REDIC1: variants seen among roughly 807,000 people sequenced by gnomAD.
REDIC1 encodes the protein regulator of DNA class I crossover intermediates 1, also known as HEI10 Interacting Protein 1.
chr12:39,788,093 T>C, the REDIC1 span, among the ~76,000 whole-genome samples: 1 of 152,148 alleles, frequency 6.6e-6, no homozygotes, highest in Non-Finnish European at 1.5e-5. Context: ...ACAAAAATTA[T>C]TTTACCTCTA....
At chr12:39,797,740 A>ACACACG in the REDIC1 span, among the ~76,000 whole-genome samples, 24 of 131,456 alleles carry the variant, frequency 1.8e-4, no homozygotes, top group Non-Finnish European at 2.4e-4. Context: ...ACACACACAC[A>ACACACG]CACACACACA....
the REDIC1 span, among the ~76,000 whole-genome samples, chr12:39,900,431 A>G: frequency 1.2e-3 from 186 of 152,274 alleles, 2 homozygotes; most frequent in African/African-American, 4.1e-3. Context: ...TCGTATATCT[A>G]GAAAACCCCA....
chr12:39,686,403 G>A, the REDIC1 span, among the ~76,000 whole-genome samples: 1 of 152,276 alleles, frequency 6.6e-6, no homozygotes, highest in African/African-American at 2.4e-5. Context: ...AGCCATCAAG[G>A]CTTACAGTTT....
chr12:39,762,039 A>G, the REDIC1 span, among the ~76,000 whole-genome samples: 1 of 152,076 alleles, frequency 6.6e-6, no homozygotes. Context: ...CCAAAGCTGA[A>G]TAATATCAAG....
At chr12:39,653,542 C>CTTT in the REDIC1 span, among the ~76,000 whole-genome samples, 292 of 37,166 alleles carry the variant, frequency 7.9e-3, 12 homozygotes, top group Middle Eastern at 0.012. Flanking sequence ...TCTTCTTTTT[C>CTTT]TTCTTCTTCT....
the REDIC1 span, among the ~76,000 whole-genome samples, chr12:39,868,456 T>G: frequency 3.3e-5 from 5 of 152,252 alleles, no homozygotes; most frequent in African/African-American, 9.6e-5. Context: ...TCACACTTTG[T>G]GTGCATAAGT....
chr12:39,826,854 A>ATT, the REDIC1 span, among the ~76,000 whole-genome samples: 534 of 67,386 alleles, frequency 7.9e-3, 12 homozygotes, highest in Non-Finnish European at 0.01. Flanking sequence ...GTCTCTTTCA[A>ATT]TTTTTTTTTT....
the REDIC1 span, among the ~76,000 whole-genome samples, chr12:39,884,595 A>G: frequency 6.6e-6 from 1 of 152,214 alleles, no homozygotes; most frequent in Non-Finnish European, 1.5e-5. Flanking sequence ...AGCAGAAGAT[A>G]CAAAGGCAAT....
the REDIC1 span, among the ~76,000 whole-genome samples, chr12:39,685,860 A>T: frequency 1.6e-4 from 25 of 152,244 alleles, no homozygotes; most frequent in Non-Finnish European, 2.9e-4. Context: ...TTACATTCCA[A>T]AAGGGAGAAA....
At chr12:39,720,425 G>A in the REDIC1 span, among the ~76,000 whole-genome samples, 2 of 152,076 alleles carry the variant, frequency 1.3e-5, no homozygotes, top group Non-Finnish European at 2.9e-5. Context: ...CTTTTTAAGT[G>A]GAGGAAGTAT....
At chr12:39,779,808 T>G in the REDIC1 span, among the ~76,000 whole-genome samples, 1 of 152,254 alleles carries the variant, frequency 6.6e-6, no homozygotes, top group East Asian at 1.9e-4. Context: ...TTTAAAAATT[T>G]CAAACTACAC....
the REDIC1 span, among the ~76,000 whole-genome samples, chr12:39,693,245 T>A: frequency 6.6e-6 from 1 of 152,158 alleles, no homozygotes; most frequent in African/African-American, 2.4e-5. Context: ...AGACAAAGTT[T>A]CATGTCGATC....
the REDIC1 span, among the ~76,000 whole-genome samples, chr12:39,735,592 G>A: frequency 6.6e-6 from 1 of 152,172 alleles, no homozygotes; most frequent in Non-Finnish European, 1.5e-5. Flanking sequence ...TCTTCAGATG[G>A]CAAATGATGC....
At chr12:39,802,648 T>A in the REDIC1 span, among the ~76,000 whole-genome samples, 1 of 152,198 alleles carries the variant, frequency 6.6e-6, no homozygotes, top group African/African-American at 2.4e-5. Context: ...TAGAACTATA[T>A]GTATATATAG....
the REDIC1 span, among the ~76,000 whole-genome samples, chr12:39,748,054 C>A: frequency 2.6e-5 from 4 of 152,112 alleles, no homozygotes; most frequent in Non-Finnish European, 5.9e-5. Context: ...ATCATAATGA[C>A]AGGATCAAAT....
the REDIC1 span, among the ~76,000 whole-genome samples, chr12:39,830,753 A>T: frequency 6.6e-6 from 1 of 152,228 alleles, no homozygotes; most frequent in Non-Finnish European, 1.5e-5. Flanking sequence ...AAATAAAAAT[A>T]CTACTACTCA....
At chr12:39,728,995 T>G in the REDIC1 span, among the ~76,000 whole-genome samples, 8 of 152,210 alleles carry the variant, frequency 5.3e-5, no homozygotes, top group Non-Finnish European at 1.2e-4. Context: ...TTCTGTGGGA[T>G]CAGTGGTGAT....
the REDIC1 span, chr12:39,646,873 T>G: frequency 4.4e-6 from 7 of 1,599,358 alleles, no homozygotes; most frequent in Non-Finnish European, 3.4e-6. Context: ...GCAAGGAAGA[T>G]CTTGGCCCAG....
At chr12:39,866,571 CG>C in the REDIC1 span, among the ~76,000 whole-genome samples, 2 of 152,120 alleles carry the variant, frequency 1.3e-5, no homozygotes, top group African/African-American at 2.4e-5. Flanking sequence ...CTCCGCCCCC[CG>C]GGGTTCACGC....
Sources: gnomAD v4.1 joint callset for allele counts (sites outside exome capture counted in the v4.1 genomes callset) on GRCh38, gnomAD v4.1.1 for gene constraint, MANE v1.5 for transcripts, NCBI Gene and HGNC (gene_info 2026-07-23, HGNC 2026-07-21) for gene names.